NEMP2: variants seen among roughly 807,000 people sequenced by gnomAD.
The protein encoded by NEMP2 is nuclear envelope integral membrane protein 2.
In NEMP2, 53 loss-of-function variants were observed where a neutral mutation model predicts 54.2. The ratio of observed to expected loss-of-function variants is 0.98; its 90% CI spans 0.78 to 1.23. The LOEUF (loss-of-function observed/expected upper bound fraction) is 1.23. Among genes scored for constraint, NEMP2 ranks in the 50% most tolerant of loss-of-function variants. The pLI is 0.00. For missense variants in NEMP2, 455 were observed against 511.3 expected, an observed-to-expected ratio of 0.89 and a Z score of 1.06; for synonymous variants, 197 against 190.3, an observed-to-expected ratio of 1.04 and a Z score of -0.29.
the NEMP2 span, among the ~76,000 whole-genome samples, chr2:190,559,125 A>C: frequency 6.6e-6 from 1 of 152,186 alleles, no homozygotes; most frequent in African/African-American, 2.4e-5. This position sits in a 1 kb window ranked among gnomAD's most constrained non-coding sequence, Gnocchi z 4.0. Flanking sequence ...ATAAAGCAAG[A>C]CAGTGGCAGT....
chr2:190,615,614 A>T, the NEMP2 span, among the ~76,000 whole-genome samples: 1 of 152,290 alleles, frequency 6.6e-6, no homozygotes, highest in Admixed American at 6.5e-5. The surrounding 1 kb of genome is among the most constrained non-coding windows in gnomAD (Gnocchi z 4.7). Context: ...GACTGAGTCA[A>T]CCTTCAGCCC....
At chr2:190,562,023 A>G in the NEMP2 span, among the ~76,000 whole-genome samples, 4 of 152,226 alleles carry the variant, frequency 2.6e-5, no homozygotes, top group Non-Finnish European at 5.9e-5. This position sits in a 1 kb window ranked among gnomAD's most constrained non-coding sequence, Gnocchi z 5.0. Context: ...ATGTAAATGA[A>G]AAGCTAGTTT....
the NEMP2 span, among the ~76,000 whole-genome samples, chr2:190,421,735 A>AAT: frequency 9.5e-4 from 144 of 151,294 alleles, 2 homozygotes; most frequent in African/African-American, 3.1e-3. Context: ...TAAAAAAAAA[A>AAT]TTTTTTTTAA....
the NEMP2 span, among the ~76,000 whole-genome samples, chr2:190,563,651 C>T: frequency 1.3e-5 from 2 of 152,276 alleles, no homozygotes; most frequent in East Asian, 1.9e-4. This position sits in a 1 kb window ranked among gnomAD's most constrained non-coding sequence, Gnocchi z 4.3. Flanking sequence ...AACACACTCC[C>T]CATCTTTTGT....
the NEMP2 span, among the ~76,000 whole-genome samples, chr2:190,485,582 C>T: frequency 6.6e-6 from 1 of 151,994 alleles, no homozygotes; most frequent in East Asian, 1.9e-4. This position sits in a 1 kb window ranked among gnomAD's most constrained non-coding sequence, Gnocchi z 5.1. Context: ...GACTTAGCAT[C>T]ATCTTTAATA....
chr2:190,643,407 C>A, the NEMP2 span, among the ~76,000 whole-genome samples: 166 of 152,286 alleles, frequency 1.1e-3, no homozygotes, highest in Non-Finnish European at 2.0e-3. Flanking sequence ...ACCTCCAGCA[C>A]TGACTTGGCT....
At chr2:190,583,766 C>T in the NEMP2 span, among the ~76,000 whole-genome samples, 3 of 152,172 alleles carry the variant, frequency 2.0e-5, no homozygotes, top group Non-Finnish European at 2.9e-5. Flanking sequence ...TGTGTTTTCA[C>T]GCATTGTCCT....
chr2:190,620,730 C>T, the NEMP2 span, among the ~76,000 whole-genome samples: 1 of 152,102 alleles, frequency 6.6e-6, no homozygotes, highest in Admixed American at 6.6e-5. This position sits in a 1 kb window ranked among gnomAD's most constrained non-coding sequence, Gnocchi z 4.9. Context: ...ACTCTTGTTA[C>T]TTTTATTCAA....
the NEMP2 span, among the ~76,000 whole-genome samples, chr2:190,491,902 C>A: frequency 1.3e-5 from 2 of 151,742 alleles, no homozygotes; most frequent in African/African-American, 4.8e-5. The surrounding 1 kb of genome is among the most constrained non-coding windows in gnomAD (Gnocchi z 4.2). Flanking sequence ...TTAAGGAAAT[C>A]AAAAAAATGA....
the NEMP2 span, chr2:190,617,079 T>C: frequency 6.6e-6 from 1 of 151,380 alleles, no homozygotes; most frequent in African/African-American, 2.4e-5. This position sits in a 1 kb window ranked among gnomAD's most constrained non-coding sequence, Gnocchi z 5.0. Context: ...TGAGCCCCGA[T>C]CGCGCCACCG....
the NEMP2 span, among the ~76,000 whole-genome samples, chr2:190,441,224 A>G: frequency 5.9e-5 from 9 of 151,984 alleles, 1 homozygote; most frequent in South Asian, 4.2e-4. Context: ...TCTGTAGGCT[A>G]TGTTTTCCAG....
the NEMP2 span, among the ~76,000 whole-genome samples, chr2:190,453,101 A>G: frequency 6.6e-6 from 1 of 152,260 alleles, no homozygotes; most frequent in Admixed American, 6.5e-5. Context: ...AAAATGTCAG[A>G]TGCTACAGAA....
At chr2:190,489,402 T>C in the NEMP2 span, among the ~76,000 whole-genome samples, 3 of 152,212 alleles carry the variant, frequency 2.0e-5, no homozygotes, top group Admixed American at 2.0e-4. This position sits in a 1 kb window ranked among gnomAD's most constrained non-coding sequence, Gnocchi z 6.6. Flanking sequence ...ATAGCACTAT[T>C]TGAGCACTGC....
At chr2:190,578,008 C>T in the NEMP2 span, among the ~76,000 whole-genome samples, 2 of 152,150 alleles carry the variant, frequency 1.3e-5, no homozygotes, top group Admixed American at 1.3e-4. This position sits in a 1 kb window ranked among gnomAD's most constrained non-coding sequence, Gnocchi z 4.4. Flanking sequence ...ACAGACAGAT[C>T]CCAGGGGATT....
chr2:190,502,352 T>C (rs1690063678), downstream of NEMP2: 1 of 152,194 alleles, frequency 6.6e-6, no homozygotes, highest in South Asian at 2.1e-4. The surrounding 1 kb of genome is among the most constrained non-coding windows in gnomAD (Gnocchi z 4.4). Context: ...TTGAGATCCC[T>C]CAACACACAC....
the NEMP2 span, among the ~76,000 whole-genome samples, chr2:190,426,264 A>C: frequency 1.3e-5 from 2 of 152,058 alleles, no homozygotes; most frequent in Non-Finnish European, 2.9e-5. This position sits in a 1 kb window ranked among gnomAD's most constrained non-coding sequence, Gnocchi z 4.7. Context: ...CAGATTGTGT[A>C]ATTCCTATTG....
the NEMP2 span, among the ~76,000 whole-genome samples, chr2:190,485,146 ACACT>A: frequency 6.6e-6 from 1 of 152,224 alleles, no homozygotes; most frequent in Non-Finnish European, 1.5e-5. This position sits in a 1 kb window ranked among gnomAD's most constrained non-coding sequence, Gnocchi z 5.1. Context: ...TTATCTTAGA[ACACT>A]CAAAGTTTTA....
At chr2:190,479,391 G>A in the NEMP2 span, among the ~76,000 whole-genome samples, 6 of 152,276 alleles carry the variant, frequency 3.9e-5, no homozygotes, top group South Asian at 1.2e-3. Flanking sequence ...ATTTAAAAAA[G>A]AGACAGGGAG....
At chr2:190,517,336 C>G (rs1002465180) in intron 5 of NEMP2, among the ~76,000 whole-genome samples, 184 bp downstream of exon 5, 2 of 151,168 alleles carry the variant, frequency 1.3e-5, no homozygotes, top group African/African-American at 4.9e-5. Context: ...CTCAGCTAAG[C>G]CTACATATAG....
Sources: gnomAD v4.1 joint callset for allele counts (sites outside exome capture counted in the v4.1 genomes callset) on GRCh38, gnomAD v4.1.1 for gene constraint, Gnocchi (gnomAD v3.1) non-coding constraint, MANE v1.5 for transcripts, NCBI Gene and HGNC (gene_info 2026-07-23, HGNC 2026-07-21) for gene names.